KANK1: variants seen among roughly 807,000 people sequenced by gnomAD.
The protein encoded by KANK1 is KN motif and ankyrin repeat domain-containing protein 1.
Under a neutral mutation model 106.2 loss-of-function variants are expected in KANK1, and 109 were observed. That is an observed-to-expected ratio of 1.03 (90% CI 0.88 to 1.20). The LOEUF (loss-of-function observed/expected upper bound fraction) is 1.20, where lower values mean the gene tolerates loss of function less well. Ranked by LOEUF, KANK1 falls within the 50% of genes most tolerant of loss-of-function variation. The probability of loss-of-function intolerance (pLI) is 0.00; values close to 1 mark genes in which losing one functional copy is unlikely to be tolerated. For missense variants in KANK1, 2,399 were observed against 1,710.7 expected (o/e 1.40, Z -7.10); for synonymous variants, 873 against 652.2 (o/e 1.34, Z -5.16).
chr9:697,164 C>T (rs1219982589), intron 2 of KANK1, among the ~76,000 whole-genome samples: 1 of 151,814 alleles, frequency 6.6e-6, no homozygotes, highest in Non-Finnish European at 1.5e-5. Flanking sequence ...GAAAAGTTCT[C>T]GTTTTTACCT....
intron 1 of KANK1, among the ~76,000 whole-genome samples, chr9:628,686 T>G (rs1834942553): frequency 6.6e-6 from 1 of 152,116 alleles, no homozygotes; most frequent in South Asian, 2.1e-4. Flanking sequence ...AGTTCCCAGG[T>G]TGAAACATCC....
At chr9:611,462 C>G (rs1367922519) in intron 1 of KANK1, among the ~76,000 whole-genome samples, 3 of 152,190 alleles carry the variant, frequency 2.0e-5, no homozygotes, top group African/African-American at 7.2e-5. Flanking sequence ...TCCTCTGTCT[C>G]TCATGCTTTT....
chr9:512,249 G>GTGTGTGTGTGTATA (rs370159663), intron 1 of KANK1, among the ~76,000 whole-genome samples: 16,392 of 149,496 alleles, frequency 0.11, 1,625 homozygotes, highest in African/African-American at 0.27. Flanking sequence ...GTGTGTGTGT[G>GTGTGTGTGTGTATA]TATGTATATA....
intron 7 of KANK1, among the ~76,000 whole-genome samples, chr9:736,115 G>A (rs1049446517): frequency 7.9e-5 from 12 of 152,152 alleles, no homozygotes; most frequent in African/African-American, 2.2e-4. Context: ...CCACCACAAC[G>A]CCCGGCTAAT....
intron 3 of KANK1, among the ~76,000 whole-genome samples, chr9:728,996 A>C (rs530644018): frequency 1.3e-5 from 2 of 152,344 alleles, no homozygotes; most frequent in East Asian, 3.9e-4. Flanking sequence ...CACCTTGGGC[A>C]CATGTTGTCA....
intron 3 of KANK1, among the ~76,000 whole-genome samples, chr9:725,186 C>G (rs995067058): frequency 3.3e-5 from 5 of 152,152 alleles, no homozygotes; most frequent in Non-Finnish European, 7.3e-5. Context: ...AGTTCTCGTT[C>G]AGCTCTGTGG....
intron 1 of KANK1, among the ~76,000 whole-genome samples, chr9:667,011 T>C (rs1322545249): frequency 6.6e-6 from 1 of 151,368 alleles, no homozygotes; most frequent in Non-Finnish European, 1.5e-5. Context: ...TTTTTTTTTT[T>C]TTGAAGACTT....
intron 2 of KANK1, among the ~76,000 whole-genome samples, chr9:708,574 A>G (rs971386824): frequency 6.6e-6 from 1 of 152,134 alleles, no homozygotes; most frequent in African/African-American, 2.4e-5. Context: ...CTGCTTGGCA[A>G]TCTTATTTTT....
intron 2 of KANK1, among the ~76,000 whole-genome samples, chr9:686,041 C>G (rs73639402): frequency 1.2e-3 from 185 of 152,256 alleles, no homozygotes; most frequent in African/African-American, 4.0e-3. Flanking sequence ...ATATTCCAAA[C>G]TGAAAACATC....
intron 1 of KANK1, among the ~76,000 whole-genome samples, chr9:633,626 T>C (rs896536218): frequency 3.3e-5 from 5 of 152,182 alleles, no homozygotes; most frequent in African/African-American, 1.2e-4. Flanking sequence ...TTCTGACTCA[T>C]CTTTCCAGGC....
At chr9:594,275 T>C (rs968979345) in intron 1 of KANK1, among the ~76,000 whole-genome samples, 4 of 151,874 alleles carry the variant, frequency 2.6e-5, no homozygotes, top group African/African-American at 9.7e-5. Context: ...AATTAAATAG[T>C]AGTGTAGTTT....
chr9:579,228 G>T (rs950897626), intron 1 of KANK1, among the ~76,000 whole-genome samples: 1 of 151,506 alleles, frequency 6.6e-6, no homozygotes, highest in African/African-American at 2.4e-5. Context: ...GCTTCCCTCT[G>T]CCCCCAGTGT....
chr9:655,643 G>C (rs1228084578), intron 1 of KANK1, among the ~76,000 whole-genome samples: 1 of 152,182 alleles, frequency 6.6e-6, no homozygotes, highest in Non-Finnish European at 1.5e-5. Flanking sequence ...ACTTTGAGTA[G>C]TGAGGTGGTT....
chr9:672,199 T>C (rs1394576654), intron 1 of KANK1, among the ~76,000 whole-genome samples: 1 of 152,214 alleles, frequency 6.6e-6, no homozygotes. Flanking sequence ...AGCTGTGTGA[T>C]GTGAGCAAGT....
intron 1 of KANK1, among the ~76,000 whole-genome samples, chr9:587,332 C>G (rs1362200374): frequency 1.3e-5 from 2 of 152,084 alleles, no homozygotes; most frequent in African/African-American, 4.8e-5. Context: ...AGCTGTTTTA[C>G]TCTGAAGAAT....
chr9:638,543 T>C (rs1837658041), intron 1 of KANK1, among the ~76,000 whole-genome samples: 1 of 152,216 alleles, frequency 6.6e-6, no homozygotes, highest in Admixed American at 6.5e-5. Context: ...CGAGTTATAT[T>C]GTTAGCACCA....
intron 1 of KANK1, among the ~76,000 whole-genome samples, chr9:653,159 G>A (rs915219617): frequency 6.6e-6 from 1 of 152,170 alleles, no homozygotes; most frequent in African/African-American, 2.4e-5. Context: ...CATAATCATA[G>A]AATGTCTGTC....
At chr9:731,577 C>T (rs1385609979) in intron 5 of KANK1, 1 of 175,376 alleles carries the variant, frequency 5.7e-6, no homozygotes, top group East Asian at 1.4e-4. Flanking sequence ...TTGTACTTAC[C>T]TATACGAGAA....
At chr9:698,452 G>A (rs181461893) in intron 2 of KANK1, among the ~76,000 whole-genome samples, 35 of 152,184 alleles carry the variant, frequency 2.3e-4, no homozygotes, top group East Asian at 1.5e-3. Flanking sequence ...TTTTCTCTGC[G>A]GTGAGTCATC....
Sources: allele counts gnomAD v4.1 joint callset (sites outside exome capture counted in the v4.1 genomes callset), GRCh38; gene constraint gnomAD v4.1.1; transcripts MANE v1.5; gene names NCBI Gene and HGNC (gene_info 2026-07-23, HGNC 2026-07-21).